Variants in ANKRD30A observed in about 807,000 individuals in gnomAD.
ANKRD30A encodes the protein ankyrin repeat domain-containing protein 30A.
ANKRD30A carries 170 observed loss-of-function variants against 166.3 expected under a neutral mutation model. That is an observed-to-expected ratio of 1.02 (90% confidence interval 0.90 to 1.16). The LOEUF (loss-of-function observed/expected upper bound fraction) is 1.16, where lower values mean the gene tolerates loss of function less well. Ranked by LOEUF, ANKRD30A falls within the 50% of genes most tolerant of loss-of-function variation. ANKRD30A has a pLI of 0.00. For synonymous variants in ANKRD30A, 564 were observed against 508.9 expected (o/e 1.11, Z -1.46); for missense variants, 1,630 against 1,518.0 (o/e 1.07, Z -1.23).
rs78128395 is a variant in ANKRD30A at position 37,152,765 on chromosome 10, C to G, written c.1707+644C>G. Among the ~76,000 whole-genome samples the G allele has an allele frequency of 1.8e-4, 28 of 152,080 alleles. 1 individual carries two copies. In the East Asian group the frequency reaches 5.0e-3, roughly 27 times the overall value. On this transcript the variant is annotated intron_variant, in intron 12 of 35. Transcript: ENST00000361713. The stretch of plus-strand genomic sequence containing the variant: ...GGCAGTCAAGCTGCAGCAGCATGAG[C>G]GTCAAATAATAGTGATGTATTTTAA...
intron 31 of ANKRD30A, among the ~76,000 whole-genome samples, chr10:37,211,206 A>G (rs901591253): frequency 2.0e-5 from 3 of 151,880 alleles, no homozygotes; most frequent in African/African-American, 7.3e-5. Flanking sequence ...TTAGTTACAT[A>G]TGTATACATG....
chr10:37,209,463 C>T (rs1842165104), intron 31 of ANKRD30A, among the ~76,000 whole-genome samples: 1 of 151,988 alleles, frequency 6.6e-6, no homozygotes, highest in African/African-American at 2.4e-5. Flanking sequence ...TTTAAATGAC[C>T]AATATTCATG....
intron 15 of ANKRD30A, among the ~76,000 whole-genome samples, chr10:37,162,421 G>A (rs566099043): frequency 1.3e-5 from 2 of 152,196 alleles, no homozygotes; most frequent in African/African-American, 2.4e-5. Flanking sequence ...ACACAATCTC[G>A]CTTTTGAAGT....
chr10:37,192,373 AC>A (rs1564541742), intron 25 of ANKRD30A, among the ~76,000 whole-genome samples: 1 of 152,070 alleles, frequency 6.6e-6, no homozygotes, highest in East Asian at 1.9e-4. Flanking sequence ...GTATGCTTGG[AC>A]CTTTTTGTAT....
chr10:37,197,582 A>C lies in ANKRD30A; in HGVS notation c.2716+102A>C. 1.9e-6 allele frequency: 3 copies of C among 1,558,694 alleles called. No homozygotes were observed. The South Asian group carries it at 3.5e-5, about 18-fold the overall frequency. ...CTTTATTTTTTTCAACTTTGATGAT[A>C]AGTTTTGATCTAGGTAATGCCAATA... On this transcript the variant is annotated intron_variant, in intron 29 of 35. Transcript: ENST00000361713.
Position 37,191,899 on chromosome 10 carries a change from A to G in ANKRD30A, c.2513-1165A>G, listed in dbSNP as rs1782069. On this transcript the variant is annotated intron_variant, in intron 25 of 35. Transcript: ENST00000361713. ...AGTCCCAGCTACTCCGGAGGCTGAG[A>G]CAAAAGAATGGCGTGAACCCGCGAG... Among the ~76,000 whole-genome samples, 172 of 152,138 alleles carry G rather than the reference A, an allele frequency of 1.1e-3. 2 individuals are homozygous for G. The South Asian group carries it at 0.02, about 18-fold the overall frequency.
the ANKRD30A span, among the ~76,000 whole-genome samples, chr10:37,240,665 TGCTCCTCCCTTCTATC>T: frequency 1.3e-5 from 2 of 152,136 alleles, no homozygotes; most frequent in African/African-American, 4.8e-5. Flanking sequence ...TCTTGGCATT[TGCTCCTCCCTTCTATC>T]TGACATATGT....
At chr10:37,264,607 C>A in the ANKRD30A span, 1 of 356,512 alleles carries the variant, frequency 2.8e-6, no homozygotes, top group Non-Finnish European at 5.2e-6. Context: ...TCTGGTCCAC[C>A]ATTCTCATTG....
At chr10:37,224,347 T>C (rs1236033066) in intron 34 of ANKRD30A, among the ~76,000 whole-genome samples, 1 of 151,172 alleles carries the variant, frequency 6.6e-6, no homozygotes, top group Admixed American at 6.6e-5. Flanking sequence ...TTTAGTCTCT[T>C]TGATTTTTTT....
At chr10:37,222,573 A>G (rs1233125841) in intron 34 of ANKRD30A, among the ~76,000 whole-genome samples, 3 of 151,152 alleles carry the variant, frequency 2.0e-5, no homozygotes, top group African/African-American at 4.8e-5. Context: ...TTCACTTACA[A>G]GTTATTGTGT....
intron 31 of ANKRD30A, among the ~76,000 whole-genome samples, chr10:37,203,239 A>T (rs1347577844): frequency 6.6e-6 from 1 of 152,198 alleles, no homozygotes; most frequent in Admixed American, 6.5e-5. Context: ...ATCCTCAATA[A>T]AATACTGGCA....
chr10:37,145,406 G>A (rs1009289954), intron 8 of ANKRD30A, among the ~76,000 whole-genome samples: 10 of 152,140 alleles, frequency 6.6e-5, no homozygotes, highest in Non-Finnish European at 1.2e-4. Flanking sequence ...GAACCCGGGA[G>A]GTGGAGGTTG....
the ANKRD30A span, among the ~76,000 whole-genome samples, chr10:37,260,838 A>G: frequency 6.6e-6 from 1 of 152,158 alleles, no homozygotes; most frequent in African/African-American, 2.4e-5. Context: ...ATAAGTGGGA[A>G]CTAAACATTG....
chr10:37,211,197 T>G lies in ANKRD30A; in HGVS notation c.2870-4984T>G, dbSNP rs1842294525. Among the ~76,000 whole-genome samples, 3 of 152,136 alleles carry G rather than the reference T, an allele frequency of 2.0e-5. No homozygotes were observed. In the South Asian group the frequency reaches 6.2e-4, roughly 32 times the overall value. Reference sequence around the variant, plus strand: ...GGGTACATGTGCATAACATGCAGGTTAGTTACATATGTATACATGTGCCAT... The same window carrying G: ...GGGTACATGTGCATAACATGCAGGTGAGTTACATATGTATACATGTGCCAT... On this transcript the variant is annotated intron_variant, in intron 31 of 35. Transcript: ENST00000361713.
At chr10:37,158,626 T>G (rs1838576422) in intron 15 of ANKRD30A, 40 bp downstream of exon 15, 3 of 1,601,714 alleles carry the variant, frequency 1.9e-6, no homozygotes, top group Non-Finnish European at 2.6e-6. Flanking sequence ...GAAAGGAGAA[T>G]ATTAAAATAT....
chr10:37,182,594 GT>G (rs1840093333), intron 24 of ANKRD30A, among the ~76,000 whole-genome samples: 1 of 96,970 alleles, frequency 1.0e-5, no homozygotes, highest in Non-Finnish European at 2.2e-5. Context: ...TTTTTCTTCA[GT>G]TTTTTTGTTT....
At chr10:37,162,961 T>C in intron 17 of ANKRD30A, 113 bp downstream of exon 17, 4 of 1,341,692 alleles carry the variant, frequency 3.0e-6, no homozygotes, top group Non-Finnish European at 4.1e-6. Flanking sequence ...AGATTTGATC[T>C]AGATAATGCC....
At chr10:37,164,617 C>T (rs975364386) in intron 17 of ANKRD30A, among the ~76,000 whole-genome samples, 2 of 152,118 alleles carry the variant, frequency 1.3e-5, no homozygotes, top group African/African-American at 4.8e-5. Flanking sequence ...ATATAGTTGA[C>T]TGACATCAAA....
chr10:37,158,393 G>T lies in ANKRD30A; in HGVS notation c.1800G>T (p.Glu600Asp). The change falls in exon 14 of 36, where the codon GAG becomes GAT. Residue 600 changes from glutamate to aspartate, a missense_variant and splice_region_variant. By Grantham distance (45) the Glu-to-Asp change is conservative. Around this residue, in one of 4 missense-constraint regions of ANKRD30A, gnomAD observed 904 missense variants for 818.5 expected, o/e 1.10. Coordinates refer to ENST00000361713, the MANE Select transcript of ANKRD30A (RefSeq NM_052997.3). ...EIDKINGKLEESPNKDGLLKA... is the reference protein window; with the variant it reads ...EIDKINGKLEDSPNKDGLLKA... Reference sequence around the variant, plus strand: ...TTATGTATGTCCCTTTTCTTATAGAGTCTCCTAATAAAGATGGTCTTCTGA... The same window carrying T: ...TTATGTATGTCCCTTTTCTTATAGATTCTCCTAATAAAGATGGTCTTCTGA... The T allele has an allele frequency of 6.2e-7, 1 of 1,609,096 alleles. No individual in the cohort carries two copies. Among genetic ancestry groups the T allele is most frequent in the Non-Finnish European group, 8.5e-7 (1 of 1,176,454 alleles).
Sources: allele counts gnomAD v4.1 joint callset (sites outside exome capture counted in the v4.1 genomes callset), GRCh38; gene constraint gnomAD v4.1.1; regional missense constraint gnomAD v4.1.1; transcripts MANE v1.5; gene names NCBI Gene and HGNC (gene_info 2026-07-23, HGNC 2026-07-21).